Variants in CHODL observed in about 807,000 individuals in gnomAD.
CHODL encodes transmembrane protein MT75.
Under a neutral mutation model 34.5 loss-of-function variants are expected in CHODL, and 29 were observed. The ratio of observed to expected loss-of-function variants is 0.84; its 90% confidence interval spans 0.63 to 1.15. The LOEUF (loss-of-function observed/expected upper bound fraction) is 1.15, where lower values mean the gene tolerates loss of function less well. CHODL is among the 50% of genes most tolerant of loss of function. The probability of loss-of-function intolerance (pLI) is 0.00; values close to 1 mark genes in which losing one functional copy is unlikely to be tolerated. For synonymous variants in CHODL, 125 were observed against 116.1 expected, an observed-to-expected ratio of 1.08 and a Z score of -0.49; for missense variants, 332 against 332.5, an observed-to-expected ratio of 1.00 and a Z score of 0.01.
intron 1 of CHODL, among the ~76,000 whole-genome samples, chr21:17,923,066 G>C (rs763403572): frequency 6.6e-6 from 1 of 151,894 alleles, no homozygotes; most frequent in Non-Finnish European, 1.5e-5. Flanking sequence ...TTGAGTTTCT[G>C]ATTAGCCCCT....
At position 18,053,996 on chromosome 21, in the gene CHODL, A is replaced by G. The variant is rs187646950; in HGVS notation, c.-45+26025A>G. 2.7e-3 allele frequency among the ~76,000 whole-genome samples: 415 copies of G among 152,064 alleles called. 7 individuals are homozygous for G. In the Middle Eastern group the frequency reaches 0.072, roughly 27 times the overall value. On this transcript the variant is annotated intron_variant, in intron 2 of 6. Transcript: ENST00000400127. ...ACCTTATATGACATATATGACATGT[A>G]TATATATCACATGTGAGAGTAAGAT...
At chr21:17,933,913 C>T (rs542662034) in intron 1 of CHODL, among the ~76,000 whole-genome samples, 1 of 152,074 alleles carries the variant, frequency 6.6e-6, no homozygotes, top group South Asian at 2.1e-4. Context: ...GTGGCATGCA[C>T]CTGTAGTCCC....
intron 1 of CHODL, among the ~76,000 whole-genome samples, chr21:17,967,653 TC>T (rs2063582948): frequency 6.6e-6 from 1 of 152,118 alleles, no homozygotes; most frequent in Admixed American, 6.5e-5. Flanking sequence ...ATGTACATCT[TC>T]TTTCAACAGG....
intron 1 of CHODL, among the ~76,000 whole-genome samples, chr21:17,991,183 C>A (rs1392502232): frequency 6.6e-6 from 1 of 152,032 alleles, no homozygotes; most frequent in Non-Finnish European, 1.5e-5. Context: ...ATATATATCA[C>A]ATTTTCTTTA....
At chr21:18,051,438 A>G (rs2064515283) in intron 2 of CHODL, among the ~76,000 whole-genome samples, 1 of 148,508 alleles carries the variant, frequency 6.7e-6, no homozygotes, top group Admixed American at 6.7e-5. Flanking sequence ...TAGATGTTGG[A>G]CATTTATATG....
rs72086452 is a variant in CHODL, at chr21:18,167,201, TTCTCTC to T, written c.-44-89302_-44-89297del. 3.7e-5 allele frequency among the ~76,000 whole-genome samples: 5 copies of T among 135,798 alleles called. No homozygotes were observed. The East Asian group carries it at 8.5e-4, about 23-fold the overall frequency. 89.1% of individuals were successfully genotyped at this position (135,798 alleles called of 152,430 possible). On this transcript the variant is annotated intron_variant, in intron 2 of 6. Transcript: ENST00000400127. ...TAAAAAGTTATTTCACCATTCCCAT[TTCTCTC>T]TCTCTGTGTGTGTGTGTGTGTGTGT...
At chr21:18,180,221 C>T (rs747371078) in intron 2 of CHODL, among the ~76,000 whole-genome samples, 12 of 152,208 alleles carry the variant, frequency 7.9e-5, no homozygotes, top group East Asian at 1.9e-4. Context: ...GGCATAATTA[C>T]GGATCACTGC....
rs573705900 is a variant in CHODL at position 17,940,623 on chromosome 21, A to G, written c.-145+23223A>G. Among the ~76,000 whole-genome samples, 572 of 152,330 alleles carry G rather than the reference A, an allele frequency of 3.8e-3. 3 individuals carry two copies. The highest frequency in any genetic ancestry group is 0.013 in the African/African-American group (538 of 41,576). Reference sequence around the variant, plus strand: ...CTTGACCTGGAGGGGAGTTACAAGTATGTTAGTTTATAAAGCTATACATTT... The same window carrying G: ...CTTGACCTGGAGGGGAGTTACAAGTGTGTTAGTTTATAAAGCTATACATTT... On this transcript the variant is annotated intron_variant, in intron 1 of 6. Coordinates refer to the CHODL transcript ENST00000400127.
At chr21:18,038,504 T>C (rs912457856) in intron 2 of CHODL, among the ~76,000 whole-genome samples, 3 of 151,762 alleles carry the variant, frequency 2.0e-5, no homozygotes, top group Non-Finnish European at 4.4e-5. Context: ...TAAAGTCGTT[T>C]CTGAGATAGT....
intron 2 of CHODL, among the ~76,000 whole-genome samples, chr21:18,116,868 T>A (rs938558052): frequency 6.6e-6 from 1 of 152,176 alleles, no homozygotes; most frequent in Non-Finnish European, 1.5e-5. Context: ...TCTCTGCATG[T>A]TGGAATCACT....
At chr21:18,073,188 A>G (rs1361789824) in intron 2 of CHODL, among the ~76,000 whole-genome samples, 1 of 152,154 alleles carries the variant, frequency 6.6e-6, no homozygotes, top group Non-Finnish European at 1.5e-5. Context: ...ACTTTTTGAA[A>G]TAGACAAAAC....
intron 2 of CHODL, among the ~76,000 whole-genome samples, chr21:18,193,661 A>C (rs1056676559): frequency 1.3e-5 from 2 of 150,362 alleles, no homozygotes; most frequent in Non-Finnish European, 3.0e-5. Context: ...ATGCCACTGC[A>C]CTCCAGCCTG....
intron 1 of CHODL, chr21:18,245,881 T>C: frequency 6.5e-7 from 1 of 1,534,114 alleles, no homozygotes; most frequent in Non-Finnish European, 8.7e-7. Context: ...CTTTGCACAC[T>C]GCGTTCCAAG....
At chr21:18,118,061 T>G (rs1175667339) in intron 2 of CHODL, among the ~76,000 whole-genome samples, 1 of 152,184 alleles carries the variant, frequency 6.6e-6, no homozygotes, top group Non-Finnish European at 1.5e-5. Flanking sequence ...TCAAGTTGAA[T>G]TGGGAAATTA....
intron 1 of CHODL, among the ~76,000 whole-genome samples, chr21:17,921,899 T>C (rs1369873105): frequency 6.6e-6 from 1 of 152,216 alleles, no homozygotes. Context: ...CATTTAGTGC[T>C]TTACCAAATT....
intron 2 of CHODL, among the ~76,000 whole-genome samples, chr21:18,188,785 C>T (rs2073475947): frequency 6.6e-6 from 1 of 152,164 alleles, no homozygotes; most frequent in South Asian, 2.1e-4. Context: ...AAGAAAATGA[C>T]ATTTGTTTAG....
chr21:17,943,116 C>A (rs1465799452), intron 1 of CHODL, among the ~76,000 whole-genome samples: 1 of 152,092 alleles, frequency 6.6e-6, no homozygotes, highest in African/African-American at 2.4e-5. Context: ...TCATTTAGTT[C>A]TTTTTGGCAG....
chr21:18,218,697 T>G (rs1198086607), intron 2 of CHODL, among the ~76,000 whole-genome samples: 1 of 152,172 alleles, frequency 6.6e-6, no homozygotes, highest in Non-Finnish European at 1.5e-5. Context: ...TTTTGTGCTC[T>G]GTTTCCTCTT....
At chr21:18,221,502 T>C (rs1048381391) in intron 2 of CHODL, among the ~76,000 whole-genome samples, 6 of 152,230 alleles carry the variant, frequency 3.9e-5, no homozygotes, top group African/African-American at 1.2e-4. Flanking sequence ...TCTTGTGTAA[T>C]TGTCACTTCT....
Sources: allele counts gnomAD v4.1 joint callset (sites outside exome capture counted in the v4.1 genomes callset), GRCh38; gene constraint gnomAD v4.1.1; transcripts MANE v1.5; gene names NCBI Gene and HGNC (gene_info 2026-07-23, HGNC 2026-07-21).